Variants in LOC128706665 observed in about 807,000 individuals in gnomAD.
At chr20:10,420,340 T>C in the LOC128706665 span, among the ~76,000 whole-genome samples, 1 of 152,184 alleles carries the variant, frequency 6.6e-6, no homozygotes, top group Non-Finnish European at 1.5e-5. Flanking sequence ...GCCAGGCAAG[T>C]GTCAAATGTC....
chr20:10,419,902 T>A, the LOC128706665 span, among the ~76,000 whole-genome samples: 1 of 152,202 alleles, frequency 6.6e-6, no homozygotes, highest in Non-Finnish European at 1.5e-5. Context: ...TGCAGGTAAC[T>A]GAAACTGCAG....
the LOC128706665 span, among the ~76,000 whole-genome samples, chr20:10,426,528 T>C: frequency 6.6e-6 from 1 of 152,108 alleles, no homozygotes; most frequent in Non-Finnish European, 1.5e-5. Context: ...GCCTCCCAGG[T>C]AGCTGAGATT....
At chr20:10,420,319 T>C in the LOC128706665 span, among the ~76,000 whole-genome samples, 1 of 152,346 alleles carries the variant, frequency 6.6e-6, no homozygotes, top group Non-Finnish European at 1.5e-5. Flanking sequence ...TCCCTTTGCA[T>C]TCAATTGACT....
the LOC128706665 span, among the ~76,000 whole-genome samples, chr20:10,429,626 C>T: frequency 6.6e-6 from 1 of 152,202 alleles, no homozygotes; most frequent in African/African-American, 2.4e-5. Flanking sequence ...CCATTCAATT[C>T]AGAAATCTGG....
At chr20:10,420,937 A>G in the LOC128706665 span, among the ~76,000 whole-genome samples, 1 of 152,196 alleles carries the variant, frequency 6.6e-6, no homozygotes, top group Non-Finnish European at 1.5e-5. Flanking sequence ...ATTGACCCAA[A>G]GGGAGCAGGC....
chr20:10,416,058 C>G, the LOC128706665 span, among the ~76,000 whole-genome samples: 5 of 152,194 alleles, frequency 3.3e-5, no homozygotes, highest in East Asian at 7.7e-4. Flanking sequence ...TCTATTAAAA[C>G]TCTTTCTTCC....
the LOC128706665 span, chr20:10,413,735 T>C: frequency 1.6e-6 from 1 of 614,042 alleles, no homozygotes; most frequent in Non-Finnish European, 2.8e-6. Context: ...TTATTTTACT[T>C]CACTCTTCAA....
chr20:10,426,041 T>C, the LOC128706665 span, among the ~76,000 whole-genome samples: 1 of 152,276 alleles, frequency 6.6e-6, no homozygotes, highest in African/African-American at 2.4e-5. Flanking sequence ...ATGTGGATTA[T>C]GCTTTTCATA....
chr20:10,425,922 T>A, the LOC128706665 span, among the ~76,000 whole-genome samples: 1 of 152,202 alleles, frequency 6.6e-6, no homozygotes, highest in Admixed American at 6.5e-5. Context: ...TCAAGAGACA[T>A]GAAATGAGAT....
the LOC128706665 span, among the ~76,000 whole-genome samples, chr20:10,432,619 A>AC: frequency 6.6e-6 from 1 of 151,874 alleles, no homozygotes; most frequent in African/African-American, 2.4e-5. Flanking sequence ...ATGGCGAAAC[A>AC]CCATCTCTAC....
At chr20:10,421,695 C>T in the LOC128706665 span, among the ~76,000 whole-genome samples, 1 of 152,006 alleles carries the variant, frequency 6.6e-6, no homozygotes. Context: ...AAAACCCTAA[C>T]TTACAGGGTT....
chr20:10,427,929 C>A, the LOC128706665 span, among the ~76,000 whole-genome samples: 1 of 152,184 alleles, frequency 6.6e-6, no homozygotes, highest in Admixed American at 6.5e-5. Flanking sequence ...CTGCTAACAG[C>A]GTAACTGAGT....
the LOC128706665 span, among the ~76,000 whole-genome samples, chr20:10,433,957 C>G: frequency 6.6e-6 from 1 of 152,216 alleles, no homozygotes; most frequent in Non-Finnish European, 1.5e-5. Flanking sequence ...CTACAGAGAG[C>G]CAGCCTCCTC....
chr20:10,429,021 A>C, the LOC128706665 span, among the ~76,000 whole-genome samples: 1 of 152,008 alleles, frequency 6.6e-6, no homozygotes, highest in South Asian at 2.1e-4. Flanking sequence ...AACTATGACT[A>C]TTTTTCTCCA....
chr20:10,421,779 T>C, the LOC128706665 span, among the ~76,000 whole-genome samples: 1 of 150,872 alleles, frequency 6.6e-6, no homozygotes, highest in Middle Eastern at 3.4e-3. Flanking sequence ...GCTTTTAAAA[T>C]ATATATATAT....
the LOC128706665 span, among the ~76,000 whole-genome samples, chr20:10,420,349 T>A: frequency 1.3e-5 from 2 of 152,318 alleles, no homozygotes; most frequent in East Asian, 3.9e-4. Context: ...GTGTCAAATG[T>A]CTCTGCACAA....
the LOC128706665 span, among the ~76,000 whole-genome samples, chr20:10,428,877 G>C: frequency 6.6e-6 from 1 of 152,014 alleles, no homozygotes; most frequent in Non-Finnish European, 1.5e-5. Flanking sequence ...CTCCTTGCCT[G>C]CTGTCAGAAG....
chr20:10,419,661 T>C, the LOC128706665 span, among the ~76,000 whole-genome samples: 5 of 152,278 alleles, frequency 3.3e-5, no homozygotes, highest in South Asian at 1.0e-3. Context: ...TGAAGTAAAG[T>C]AACAGTTACC....
At chr20:10,419,339 C>T in the LOC128706665 span, among the ~76,000 whole-genome samples, 4 of 151,948 alleles carry the variant, frequency 2.6e-5, no homozygotes, top group African/African-American at 7.3e-5. Context: ...TTTATAAATA[C>T]AATATAGTGT....
Sources: gnomAD v4.1 joint callset for allele counts (sites outside exome capture counted in the v4.1 genomes callset) on GRCh38, gnomAD v4.1.1 for gene constraint, MANE v1.5 for transcripts.